The following EPS15L1 variants were observed in gnomAD, a reference collection of about 807,000 sequenced individuals.
EPS15L1 encodes the protein epidermal growth factor receptor pathway substrate 15 like 1, also known as epidermal growth factor receptor substrate 15-like 1.
A neutral mutation model predicts 117.1 loss-of-function variants in EPS15L1; 43 were observed. The ratio of observed to expected loss-of-function variants is 0.37; its 90% CI spans 0.29 to 0.47. The LOEUF (loss-of-function observed/expected upper bound fraction) is 0.47. Ranked by LOEUF, EPS15L1 falls within the 20% of genes least tolerant of loss-of-function variation. The pLI is 0.99. For synonymous variants in EPS15L1, 459 were observed against 470.5 expected (o/e 0.98, Z 0.32); for missense variants, 981 against 1,164.0 (o/e 0.84, Z 2.29).
At chr19:16,419,182 G>A (rs929346650) in intron 10 of EPS15L1, among the ~76,000 whole-genome samples, 9 of 152,224 alleles carry the variant, frequency 5.9e-5, no homozygotes, top group Non-Finnish European at 8.8e-5. Context: ...AGCCAGGGCC[G>A]GGTGCAATGG....
At chr19:16,358,357 C>T (rs935738479) in intron 23 of EPS15L1, 1 of 152,504 alleles carries the variant, frequency 6.6e-6, no homozygotes, top group Non-Finnish European at 1.5e-5. Context: ...AAGGGGACTC[C>T]GCAGCTCCCT....
chr19:16,401,067 C>G (rs1330453680), intron 16 of EPS15L1: 3 of 985,276 alleles, frequency 3.0e-6, no homozygotes, highest in African/African-American at 1.7e-5. Context: ...TCTCGTAACT[C>G]ATGAAGGATG....
intron 12 of EPS15L1, among the ~76,000 whole-genome samples, chr19:16,416,938 A>C (rs938503999): frequency 3.9e-5 from 6 of 152,218 alleles, no homozygotes; most frequent in Non-Finnish European, 2.9e-5. Flanking sequence ...GAGGAAACTA[A>C]GGCACTAGGC....
intron 7 of EPS15L1, among the ~76,000 whole-genome samples, chr19:16,432,340 A>G (rs1231919600): frequency 1.3e-5 from 2 of 152,094 alleles, no homozygotes; most frequent in Non-Finnish European, 2.9e-5. Flanking sequence ...AGGCCAAGGC[A>G]GGCGGATAAT....
chr19:16,377,491 G>A (rs1369123158), intron 21 of EPS15L1, among the ~76,000 whole-genome samples: 1 of 152,182 alleles, frequency 6.6e-6, no homozygotes, highest in Admixed American at 6.5e-5. Flanking sequence ...GGGTGGCAGA[G>A]AGCAGTCCCA....
Position 16,454,385 on chromosome 19 carries a change from G to A in EPS15L1, c.34-12166C>T, listed in dbSNP as rs192343267. On this transcript the variant is annotated intron_variant, in intron 1 of 23. Transcript: ENST00000455140. ...TATCGCCCCGCTACTGGAACCTGGC[G>A]GGACAGGGCCATGCTTACCAGGATT... 1.1e-3 allele frequency among the ~76,000 whole-genome samples: 174 copies of A among 152,268 alleles called. 2 individuals are homozygous for A. The highest frequency in any genetic ancestry group is 7.5e-3 in the South Asian group (36 of 4,828).
chr19:16,355,533 G>T lies in EPS15L1; in HGVS notation c.*172C>A. ...CAAGGCCTCTGTAAGGGCTTCCCCA[G>T]GAGATGTGACCTTTCCAGGTCTTGC... On this transcript the variant is annotated 3_prime_UTR_variant, in exon 24 of 24. Transcript: ENST00000455140. 1.2e-6 allele frequency: 1 copy of T among 802,708 alleles called. No homozygotes were observed. Among genetic ancestry groups the T allele is most frequent in the Non-Finnish European group, 1.9e-6 (1 of 527,546 alleles). 49.7% of individuals were successfully genotyped at this position (802,708 alleles called of 1,614,324 possible). A position where few individuals can be genotyped will look rare whatever the true frequency, so the allele number is the denominator to read the frequency against.
chr19:16,421,510 A>G, intron 9 of EPS15L1, 34 bp from the exon 10 acceptor site: 1 of 1,592,984 alleles, frequency 6.3e-7, no homozygotes, highest in Non-Finnish European at 8.6e-7. Context: ...GTTAATCTGG[A>G]AGCTTTTTAT....
At chr19:16,422,963 A>G (rs1394498290) in intron 9 of EPS15L1, among the ~76,000 whole-genome samples, 14 of 138,876 alleles carry the variant, frequency 1.0e-4, no homozygotes, top group Admixed American at 2.8e-4. Context: ...GTCTCGGGGA[A>G]AAAAAAAGGG....
At chr19:16,391,610 T>A (rs2092475355) in intron 19 of EPS15L1, among the ~76,000 whole-genome samples, 1 of 147,478 alleles carries the variant, frequency 6.8e-6, no homozygotes, top group Non-Finnish European at 1.5e-5. Context: ...CTCTGCTCCA[T>A]CACCGAGGCT....
intron 20 of EPS15L1, 90 bp downstream of exon 20, chr19:16,386,081 G>A (rs950548330): frequency 5.2e-5 from 53 of 1,012,272 alleles, no homozygotes; most frequent in African/African-American, 1.3e-4. Context: ...CAGAGGCCAC[G>A]CTGGCTTTGG....
chr19:16,387,204 G>T (rs1346094781), intron 19 of EPS15L1, among the ~76,000 whole-genome samples: 3 of 152,218 alleles, frequency 2.0e-5, no homozygotes, highest in Non-Finnish European at 2.9e-5. Context: ...CTGAAAAAGT[G>T]TATCTACAAT....
chr19:16,402,285 G>A, intron 16 of EPS15L1, 36 bp downstream of exon 16: 1 of 1,559,426 alleles, frequency 6.4e-7, no homozygotes, highest in Non-Finnish European at 8.7e-7. Flanking sequence ...CAGGGGACCA[G>A]AGCCCCATAC....
intron 16 of EPS15L1, chr19:16,400,813 T>A: frequency 1.0e-6 from 1 of 984,984 alleles, no homozygotes; most frequent in Non-Finnish European, 1.2e-6. Flanking sequence ...GTCTTTGGAG[T>A]TGGGGGAATC....
chr19:16,385,479 G>A (rs535506443), intron 20 of EPS15L1, among the ~76,000 whole-genome samples: 1 of 152,314 alleles, frequency 6.6e-6, no homozygotes, highest in African/African-American at 2.4e-5. Context: ...CCACAGAGGC[G>A]TGGCCCCTGG....
chr19:16,457,212 A>C (rs2093206160), intron 1 of EPS15L1, among the ~76,000 whole-genome samples: 1 of 152,204 alleles, frequency 6.6e-6, no homozygotes, highest in Non-Finnish European at 1.5e-5. Flanking sequence ...TGAGGTGGAA[A>C]TCTAATTGCC....
At chr19:16,369,191 G>C (rs2092185178) in intron 22 of EPS15L1, among the ~76,000 whole-genome samples, 1 of 152,080 alleles carries the variant, frequency 6.6e-6, no homozygotes, top group Admixed American at 6.5e-5. Context: ...CTGCAGGCTG[G>C]GAGTCCTGCA....
In EPS15L1 at chr19:16,425,107, G is replaced by A. The variant is rs780845793; in HGVS notation, c.768C>T (p.Pro256=). The change falls in exon 9 of 24, where the codon CCC becomes CCT. Residue 256 remains proline (P), a synonymous_variant. Transcript: ENST00000455140. ...SSLNSTGSLS[P]KHSLKQTQPT... The stretch of plus-strand genomic sequence containing the variant: ...CCTGTGTTTGCTTGAGGCTGTGCTT[G>A]GGGGACAGGCTCCCTGTGCTGTTGA... The A allele has an allele frequency of 6.4e-5, 104 of 1,614,054 alleles. No individual in the cohort carries two copies. In the East Asian group the frequency reaches 2.3e-3, roughly 35 times the overall value.
chr19:16,375,745 C>T (rs1019352869), intron 22 of EPS15L1, among the ~76,000 whole-genome samples: 5 of 152,252 alleles, frequency 3.3e-5, no homozygotes, highest in East Asian at 1.9e-4. Flanking sequence ...TAAATCCACA[C>T]AGCCCATACT....
Sources: gnomAD v4.1 joint callset for allele counts (sites outside exome capture counted in the v4.1 genomes callset) on GRCh38, gnomAD v4.1.1 for gene constraint, MANE v1.5 for transcripts, NCBI Gene and HGNC (gene_info 2026-07-23, HGNC 2026-07-21) for gene names.